The following ADAMTSL3 variants were observed in gnomAD, a reference collection of about 807,000 sequenced individuals.
ADAMTSL3 encodes ADAMTS like 3, also known as ADAMTS-like protein 3.
ADAMTSL3 carries 128 observed loss-of-function variants against 201.7 expected under a neutral mutation model. The ratio of observed to expected loss-of-function variants is 0.63; its 90% CI spans 0.55 to 0.73. The LOEUF (loss-of-function observed/expected upper bound fraction) is 0.73, where lower values mean the gene tolerates loss of function less well. ADAMTSL3 is among the 30% of genes least tolerant of loss of function. The probability of loss-of-function intolerance (pLI) is 0.00; values close to 1 mark genes in which losing one functional copy is unlikely to be tolerated. For synonymous variants in ADAMTSL3, 738 were observed against 748.4 expected (o/e 0.99, Z 0.23); for missense variants, 1,990 against 2,119.6 (o/e 0.94, Z 1.20).
intron 4 of ADAMTSL3, among the ~76,000 whole-genome samples, chr15:83,774,536 C>T (rs547159554): frequency 1.1e-3 from 173 of 152,296 alleles, no homozygotes; most frequent in African/African-American, 4.0e-3. Context: ...AGAAGAAAGA[C>T]TCACCGGTCT....
rs563135038 is a variant in ADAMTSL3, at chr15:83,704,378, T to C, written c.70-11T>C. On this transcript the variant is annotated splice_polypyrimidine_tract_variant and intron_variant, in intron 2 of 29. Coordinates refer to ENST00000286744, the MANE Select transcript of ADAMTSL3 (RefSeq NM_207517.3). The stretch of plus-strand genomic sequence containing the variant: ...GAGCCTTATTTGTGACCAAATGATC[T>C]TGTTTTTCAGACCACAGCTGAGAAA... 6.3e-5 allele frequency: 101 copies of C among 1,614,180 alleles called. No homozygotes were observed. Among genetic ancestry groups the C allele is most frequent in the Admixed American group, 1.5e-4 (9 of 60,024 alleles).
At chr15:83,767,310 GTCT>G (rs1197640485) in intron 3 of ADAMTSL3, among the ~76,000 whole-genome samples, 5 of 152,332 alleles carry the variant, frequency 3.3e-5, no homozygotes, top group African/African-American at 1.2e-4. Context: ...GCTTGTTCAG[GTCT>G]TCTTCCATGC....
At chr15:83,959,848 ACACACAGT>A (rs1314895043) in intron 19 of ADAMTSL3, among the ~76,000 whole-genome samples, 1 of 152,222 alleles carries the variant, frequency 6.6e-6, no homozygotes, top group Non-Finnish European at 1.5e-5. Context: ...AACTTAGCAG[ACACACAGT>A]CACAGAAGAC....
chr15:83,913,487 G>A (rs1596397381), intron 16 of ADAMTSL3, 109 bp downstream of exon 16: 2 of 1,103,508 alleles, frequency 1.8e-6, no homozygotes, highest in East Asian at 5.1e-5. Flanking sequence ...TCTAAAGGAG[G>A]TGAAGTCATT....
intron 3 of ADAMTSL3, among the ~76,000 whole-genome samples, chr15:83,711,465 C>T (rs1442820370): frequency 6.6e-6 from 1 of 152,130 alleles, no homozygotes; most frequent in Non-Finnish European, 1.5e-5. Context: ...TGTTTCTGGC[C>T]TGTGTGTATA....
chr15:83,840,858 A>C (rs186522883), intron 7 of ADAMTSL3, among the ~76,000 whole-genome samples: 1 of 152,368 alleles, frequency 6.6e-6, no homozygotes, highest in East Asian at 1.9e-4. Context: ...TGGAGTAGGC[A>C]GCTAAGGCTG....
intron 17 of ADAMTSL3, among the ~76,000 whole-genome samples, chr15:83,942,105 T>A (rs896938608): frequency 2.0e-5 from 3 of 152,226 alleles, no homozygotes; most frequent in African/African-American, 4.8e-5. Flanking sequence ...TTTTCCAAGA[T>A]CTTATTGGAA....
chr15:83,922,154 A>G (rs1394883016), intron 16 of ADAMTSL3, among the ~76,000 whole-genome samples: 1 of 152,188 alleles, frequency 6.6e-6, no homozygotes, highest in African/African-American at 2.4e-5. Context: ...TAAATGCTTA[A>G]TCAGATCTTT....
At chr15:83,847,939 A>AT (rs57098025) in intron 7 of ADAMTSL3, among the ~76,000 whole-genome samples, 294 of 147,442 alleles carry the variant, frequency 2.0e-3, no homozygotes, top group Middle Eastern at 0.014. Flanking sequence ...AATAAAACCT[A>AT]TTTTTTTTTT....
chr15:83,878,952 T>G (rs1596347085), intron 9 of ADAMTSL3, among the ~76,000 whole-genome samples: 1 of 152,204 alleles, frequency 6.6e-6, no homozygotes, highest in South Asian at 2.1e-4. Context: ...TTAATGTCTT[T>G]GAAAGATACA....
chr15:83,974,515 G>A (rs1047119193), intron 20 of ADAMTSL3, among the ~76,000 whole-genome samples: 3 of 152,214 alleles, frequency 2.0e-5, no homozygotes, highest in African/African-American at 7.2e-5. Context: ...AGTAAGTTGT[G>A]TTGTATATTC....
chr15:83,843,043 TTCTC>T (rs201522983), intron 7 of ADAMTSL3, among the ~76,000 whole-genome samples: 11 of 151,982 alleles, frequency 7.2e-5, no homozygotes, highest in Non-Finnish European at 1.5e-4. Flanking sequence ...TAGTTCATTA[TTCTC>T]TCTCTCTCTG....
intron 7 of ADAMTSL3, among the ~76,000 whole-genome samples, chr15:83,848,144 A>T (rs939938453): frequency 6.6e-6 from 1 of 152,104 alleles, no homozygotes; most frequent in Non-Finnish European, 1.5e-5. Context: ...GTTCAGAAAA[A>T]AAAACCCAAC....
chr15:84,021,128 C>T (rs1324952550), intron 25 of ADAMTSL3, among the ~76,000 whole-genome samples: 1 of 152,158 alleles, frequency 6.6e-6, no homozygotes, highest in Admixed American at 6.5e-5. Flanking sequence ...TGCCTCCTCT[C>T]TCTCTGGGAT....
At chr15:83,858,861 ACATTT>A in intron 8 of ADAMTSL3, 21 bp downstream of exon 8, 1 of 1,575,496 alleles carries the variant, frequency 6.3e-7, no homozygotes, top group Non-Finnish European at 8.6e-7. Flanking sequence ...TTTAATCTTA[ACATTT>A]TTTAATATCC....
At chr15:83,909,207 T>C (rs1208717695) in intron 15 of ADAMTSL3, among the ~76,000 whole-genome samples, 1 of 152,316 alleles carries the variant, frequency 6.6e-6, no homozygotes, top group East Asian at 1.9e-4. Context: ...TCTGGGATTA[T>C]CTTCCCATCT....
chr15:83,665,492 G>A (rs1229825025), intron 2 of ADAMTSL3, among the ~76,000 whole-genome samples: 1 of 152,176 alleles, frequency 6.6e-6, no homozygotes, highest in Non-Finnish European at 1.5e-5. Flanking sequence ...CCAGGAGAAA[G>A]GGAGAGATTG....
chr15:83,984,115 T>A (rs1015029387), intron 21 of ADAMTSL3, among the ~76,000 whole-genome samples: 3 of 152,214 alleles, frequency 2.0e-5, no homozygotes, highest in African/African-American at 7.2e-5. Context: ...TAATTTACTT[T>A]TGCATTCTTT....
intron 3 of ADAMTSL3, among the ~76,000 whole-genome samples, chr15:83,724,830 C>T (rs1017028205): frequency 1.3e-5 from 2 of 152,092 alleles, no homozygotes; most frequent in African/African-American, 4.8e-5. Flanking sequence ...TGGTTTATTT[C>T]ACTTAGCATA....
Sources: gnomAD v4.1 joint callset for allele counts (sites outside exome capture counted in the v4.1 genomes callset) on GRCh38, gnomAD v4.1.1 for gene constraint, MANE v1.5 for transcripts, NCBI Gene and HGNC (gene_info 2026-07-23, HGNC 2026-07-21) for gene names.